The following NFIL3 variants were observed in gnomAD, a reference collection of about 807,000 sequenced individuals.
NFIL3 encodes the protein nuclear factor, interleukin 3 regulated.
NFIL3 carries 5 observed loss-of-function variants against 10.0 expected under a neutral mutation model. The observed-to-expected ratio is 0.50, with a 90% CI of 0.26 to 1.06. The LOEUF (loss-of-function observed/expected upper bound fraction) is 1.06, where lower values mean the gene tolerates loss of function less well. Ranked by LOEUF, NFIL3 falls within the 50% of genes least tolerant of loss-of-function variation. NFIL3 has a pLI of 0.13. For synonymous variants in NFIL3, 202 were observed against 206.5 expected (o/e 0.98, Z 0.19); for missense variants, 436 against 547.6 (o/e 0.80, Z 2.03).
the NFIL3 span, among the ~76,000 whole-genome samples, chr9:91,471,654 C>A: frequency 6.6e-6 from 1 of 151,976 alleles, no homozygotes; most frequent in Non-Finnish European, 1.5e-5. Context: ...CTAATGCTAT[C>A]CCTCCCCCCA....
At chr9:91,435,516 A>G in the NFIL3 span, among the ~76,000 whole-genome samples, 1 of 152,204 alleles carries the variant, frequency 6.6e-6, no homozygotes, top group Non-Finnish European at 1.5e-5. Context: ...CCATTTCATC[A>G]TGGTCCTCAT....
the NFIL3 span, among the ~76,000 whole-genome samples, chr9:91,480,175 C>G: frequency 2.0e-5 from 3 of 148,366 alleles, no homozygotes; most frequent in African/African-American, 5.0e-5. Context: ...CAGAGTTTCT[C>G]TCTGTCTCCC....
At chr9:91,419,533 A>C (rs1833718870) in intron 1 of NFIL3, among the ~76,000 whole-genome samples, 1 of 152,250 alleles carries the variant, frequency 6.6e-6, no homozygotes, top group East Asian at 1.9e-4. Context: ...ATTGTTTCAA[A>C]AACTACAGTG....
At chr9:91,419,654 T>C (rs1037527450) in intron 1 of NFIL3, among the ~76,000 whole-genome samples, 6 of 152,224 alleles carry the variant, frequency 3.9e-5, no homozygotes. Context: ...ATCTATGAAA[T>C]GTGGATGATA....
At chr9:91,464,007 A>G in the NFIL3 span, among the ~76,000 whole-genome samples, 25 of 152,140 alleles carry the variant, frequency 1.6e-4, 1 homozygote, top group African/African-American at 5.8e-4. Flanking sequence ...ATCATTCCCC[A>G]TCCTTTACTT....
At chr9:91,426,708 T>G (rs1833877269), upstream of NFIL3, 1 of 152,226 alleles carries the variant, frequency 6.6e-6, no homozygotes, top group Non-Finnish European at 1.5e-5. Context: ...TAAGCAAATA[T>G]AAGAGCTATA....
At chr9:91,461,483 A>G in the NFIL3 span, among the ~76,000 whole-genome samples, 21 of 149,912 alleles carry the variant, frequency 1.4e-4, no homozygotes, top group African/African-American at 4.5e-4. Flanking sequence ...GCTTAAAACA[A>G]CAGAAATGTA....
chr9:91,438,757 A>G, the NFIL3 span, among the ~76,000 whole-genome samples: 25 of 152,186 alleles, frequency 1.6e-4, no homozygotes, highest in African/African-American at 6.0e-4. Flanking sequence ...CCCATTTATT[A>G]GAGAGACTAT....
intron 1 of NFIL3, among the ~76,000 whole-genome samples, chr9:91,420,589 G>A (rs1356878439): frequency 2.0e-5 from 3 of 152,158 alleles, no homozygotes; most frequent in Admixed American, 2.0e-4. Flanking sequence ...GTACCTCACC[G>A]AAACCTGTTC....
At chr9:91,457,249 C>A in the NFIL3 span, among the ~76,000 whole-genome samples, 15 of 150,532 alleles carry the variant, frequency 1.0e-4, no homozygotes, top group East Asian at 2.3e-3. Flanking sequence ...CAGTTTTTGT[C>A]AAAAAAAAAC....
At chr9:91,454,087 G>T in the NFIL3 span, among the ~76,000 whole-genome samples, 9 of 150,578 alleles carry the variant, frequency 6.0e-5, no homozygotes, top group Non-Finnish European at 1.3e-4. Context: ...ACAAAAATTA[G>T]CTGGGCATGG....
At chr9:91,419,808 T>C (rs1369921733) in intron 1 of NFIL3, among the ~76,000 whole-genome samples, 3 of 152,234 alleles carry the variant, frequency 2.0e-5, no homozygotes, top group Non-Finnish European at 4.4e-5. Context: ...CTCGTGACTC[T>C]TACTGAAGCC....
At chr9:91,478,115 T>G in the NFIL3 span, among the ~76,000 whole-genome samples, 1 of 152,144 alleles carries the variant, frequency 6.6e-6, no homozygotes, top group African/African-American at 2.4e-5. Context: ...GTGAATCTGA[T>G]GATTATGTGT....
At chr9:91,412,739 G>A (rs1025523174) in intron 1 of NFIL3, among the ~76,000 whole-genome samples, 6 of 152,010 alleles carry the variant, frequency 3.9e-5, no homozygotes, top group Non-Finnish European at 5.9e-5. Context: ...AGCTACTCGG[G>A]AGGCTGAGGC....
chr9:91,430,658 AT>A, the NFIL3 span, among the ~76,000 whole-genome samples: 4 of 151,642 alleles, frequency 2.6e-5, no homozygotes, highest in Non-Finnish European at 5.9e-5. Context: ...ATTAAAAAAA[AT>A]GTTTGGTACA....
At chr9:91,459,342 A>G in the NFIL3 span, among the ~76,000 whole-genome samples, 1 of 152,146 alleles carries the variant, frequency 6.6e-6, no homozygotes, top group Non-Finnish European at 1.5e-5. Flanking sequence ...GGCAGTTTTT[A>G]TGTTGGATCT....
At chr9:91,463,032 T>A in the NFIL3 span, among the ~76,000 whole-genome samples, 29,743 of 151,796 alleles carry the variant, frequency 0.2, 3,448 homozygotes, top group East Asian at 0.49. Flanking sequence ...AGAATTAGTA[T>A]AATGACATCT....
chr9:91,479,455 A>C, the NFIL3 span, among the ~76,000 whole-genome samples: 1 of 151,934 alleles, frequency 6.6e-6, no homozygotes, highest in Non-Finnish European at 1.5e-5. Flanking sequence ...TGAGGAGAAA[A>C]CCGCCTACTC....
intron 1 of NFIL3, among the ~76,000 whole-genome samples, chr9:91,418,064 T>G (rs1457763003): frequency 6.6e-6 from 1 of 152,158 alleles, no homozygotes; most frequent in East Asian, 1.9e-4. Context: ...TAGTATAACT[T>G]AACATTCTTC....
Sources: allele counts gnomAD v4.1 joint callset (sites outside exome capture counted in the v4.1 genomes callset), GRCh38; gene constraint gnomAD v4.1.1; transcripts MANE v1.5; gene names NCBI Gene and HGNC (gene_info 2026-07-23, HGNC 2026-07-21).